The following KCNQ1 variants were observed in gnomAD, a reference collection of about 807,000 sequenced individuals.
KCNQ1 encodes potassium voltage-gated channel subfamily KQT member 1.
KCNQ1 carries 49 observed loss-of-function variants against 72.4 expected under a neutral mutation model. That is an observed-to-expected ratio of 0.68 (90% confidence interval 0.54 to 0.86). The LOEUF (loss-of-function observed/expected upper bound fraction) is 0.86, where lower values mean the gene tolerates loss of function less well. Among genes scored for constraint, KCNQ1 ranks in the 40% least tolerant of loss-of-function variants. The probability of loss-of-function intolerance (pLI) is 0.00; values close to 1 mark genes in which losing one functional copy is unlikely to be tolerated. For synonymous variants in KCNQ1, 450 were observed against 412.6 expected, an observed-to-expected ratio of 1.09 and a Z score of -1.10; for missense variants, 790 against 945.1, an observed-to-expected ratio of 0.84 and a Z score of 2.15.
chr11:2,740,886 G>T (rs1846039544), intron 11 of KCNQ1, among the ~76,000 whole-genome samples: 1 of 152,188 alleles, frequency 6.6e-6, no homozygotes, highest in Non-Finnish European at 1.5e-5. Context: ...TCATCACATT[G>T]GGCCACCCAG....
intron 2 of KCNQ1, among the ~76,000 whole-genome samples, chr11:2,555,416 G>T (rs1327213592): frequency 6.6e-6 from 1 of 152,202 alleles, no homozygotes; most frequent in East Asian, 1.9e-4. Context: ...CGTTTAACTG[G>T]CCTGGAGACG....
In KCNQ1 at chr11:2,621,842, C is replaced by G. The variant is rs1849177355; in HGVS notation, c.1393+32988C>G. On this transcript the variant is annotated intron_variant, in intron 10 of 15. Coordinates refer to ENST00000155840, the MANE Select transcript of KCNQ1 (RefSeq NM_000218.3). This position sits in a 1 kb window ranked among gnomAD's most constrained non-coding sequence, Gnocchi z 5.7. ...AAAATTGAAGTCTTAGTTTTACTGA[C>G]TTTTTTCCCCTATGGTTTTTCTTTC... 2.5e-6 allele frequency: 1 copy of G among 398,106 alleles called. No homozygotes were observed. Among genetic ancestry groups the G allele is most frequent in the South Asian group, 1.3e-4 (1 of 7,852 alleles). The allele number at this position is 398,106 out of a possible 1,614,324, so 24.7% of individuals were successfully genotyped here.
At chr11:2,693,154 ACT>A (rs1590036484) in intron 11 of KCNQ1, 4 of 398,640 alleles carry the variant, frequency 1.0e-5, no homozygotes, top group Non-Finnish European at 1.8e-5. Flanking sequence ...CTCAGTCTAC[ACT>A]CTGTGATCCA....
intron 1 of KCNQ1, among the ~76,000 whole-genome samples, chr11:2,518,960 G>A (rs1187957489): frequency 6.6e-6 from 1 of 152,206 alleles, no homozygotes; most frequent in Non-Finnish European, 1.5e-5. Flanking sequence ...CTGTGAAGCG[G>A]GTGTGGGATC....
chr11:2,665,380 C>A, intron 11 of KCNQ1: 1 of 398,196 alleles, frequency 2.5e-6, no homozygotes, highest in Non-Finnish European at 4.4e-6. Flanking sequence ...AAGAGGAGCC[C>A]TGTACCCCAA....
rs1455056901 is a variant in KCNQ1 at position 2,493,344 on chromosome 11, CTTTAG to C, written c.387-34579_387-34575del. Among the ~76,000 whole-genome samples, 1 of 152,122 alleles carries C rather than the reference CTTTAG, an allele frequency of 6.6e-6. No individual in the cohort carries two copies. The highest frequency in any genetic ancestry group is 2.4e-5 in the African/African-American group (1 of 41,428). On this transcript the variant is annotated intron_variant, in intron 1 of 15. Coordinates refer to ENST00000155840, the MANE Select transcript of KCNQ1 (RefSeq NM_000218.3). This position sits in a 1 kb window ranked among gnomAD's most constrained non-coding sequence, Gnocchi z 5.3. ...TAGCTTCTTTTACTGTGCAGAAGCT[CTTTAG>C]TTTAATTAGATCCCATTTGTCAATT...
At chr11:2,648,981 C>CTTTTTTTTTTTTTTTTTTTTTTTCTTTT in intron 10 of KCNQ1, 14 of 213,306 alleles carry the variant, frequency 6.6e-5, no homozygotes, top group South Asian at 2.8e-4. Flanking sequence ...TTTTCTTTTT[C>CTTTTTTTTTTTTTTTTTTTTTTTCTTTT]TTTTTTTTTT....
At position 2,587,554 on chromosome 11, in the gene KCNQ1, C is replaced by G. The variant is rs1848608993; in HGVS notation, c.1129-16C>G. ...TGGCTCAGCAGGTGACAGCCTGTCC[C>G]CCTGCCCGACCTCAGACCGCATGGA... On this transcript the variant is annotated splice_polypyrimidine_tract_variant and intron_variant, in intron 8 of 15. Coordinates refer to ENST00000155840, the MANE Select transcript of KCNQ1 (RefSeq NM_000218.3). 2.5e-6 allele frequency: 4 copies of G among 1,613,554 alleles called. No homozygotes were observed. The East Asian group carries it at 8.9e-5, about 36-fold the overall frequency.
intron 15 of KCNQ1, among the ~76,000 whole-genome samples, chr11:2,797,332 T>A (rs1261637780): frequency 6.6e-6 from 1 of 151,692 alleles, no homozygotes; most frequent in Non-Finnish European, 1.5e-5. Flanking sequence ...CGCGAATGAG[T>A]CCTCATGCTG....
rs1055901139 is a variant in KCNQ1, at chr11:2,704,074, T to C, written c.1514+41993T>C. 7.9e-5 allele frequency among the ~76,000 whole-genome samples: 12 copies of C among 152,246 alleles called. No homozygotes were observed. The highest frequency in any genetic ancestry group is 1.8e-4 in the Non-Finnish European group (12 of 68,050). ...GTCAGCCCTTGCAGTTGGCAGTCTG[T>C]GGCCCCTCCTCGGTCCCCTTCAGTG... On this transcript the variant is annotated intron_variant, in intron 11 of 15. Transcript: ENST00000155840. The surrounding 1 kb of genome is among the most constrained non-coding windows in gnomAD (Gnocchi z 4.3).
At chr11:2,574,778 C>G (rs1311731590) in intron 6 of KCNQ1, among the ~76,000 whole-genome samples, 3 of 152,210 alleles carry the variant, frequency 2.0e-5, no homozygotes, top group Non-Finnish European at 4.4e-5. Flanking sequence ...CTGCAATGCT[C>G]AGGGATGGCA....
intron 11 of KCNQ1, chr11:2,688,335 T>TG (rs1850527867): frequency 1.0e-5 from 4 of 398,624 alleles, no homozygotes; most frequent in Middle Eastern, 6.2e-4. Context: ...ACAGCTTCCA[T>TG]GGGGGTCTTC....
At position 2,592,893 on chromosome 11, in the gene KCNQ1, A is replaced by ATGCTGCCTCGCTGTCCC. The variant is rs1564827682; in HGVS notation, c.1393+4043_1393+4059dup. ...CCTGGGCTGGAGCCGCATACTGGCC[A>ATGCTGCCTCGCTGTCCC]TGCTGCCTCGCTGTCCCTGCCTCAG... On this transcript the variant is annotated intron_variant, in intron 10 of 15. Coordinates refer to ENST00000155840, the MANE Select transcript of KCNQ1 (RefSeq NM_000218.3). The surrounding 1 kb of genome is among the most constrained non-coding windows in gnomAD (Gnocchi z 5.2). Among the ~76,000 whole-genome samples the ATGCTGCCTCGCTGTCCC allele has an allele frequency of 1.3e-5, 2 of 152,082 alleles. No individual in the cohort carries two copies. Among genetic ancestry groups the ATGCTGCCTCGCTGTCCC allele is most frequent in the Admixed American group, 6.5e-5 (1 of 15,268 alleles).
intron 2 of KCNQ1, among the ~76,000 whole-genome samples, chr11:2,545,112 T>G (rs575447847): frequency 1.2e-4 from 19 of 152,378 alleles, no homozygotes; most frequent in Admixed American, 7.8e-4. Flanking sequence ...TTTTCACAGG[T>G]TCTGTATTCC....
Position 2,803,481 on chromosome 11 carries a change from T to G in KCNQ1, c.1794+25444T>G, listed in dbSNP as rs1404843953. Among the ~76,000 whole-genome samples, 1 of 152,044 alleles carries G rather than the reference T, an allele frequency of 6.6e-6. No homozygotes were observed. The highest frequency in any genetic ancestry group is 2.1e-4 in the South Asian group (1 of 4,824). ...CCCAGGAGCTTTAGGGGTACCCAGG[T>G]GGTGTGATGGGGAGCAGGAGCCAGT... On this transcript the variant is annotated intron_variant, in intron 15 of 15. Transcript: ENST00000155840. This position sits in a 1 kb window ranked among gnomAD's most constrained non-coding sequence, Gnocchi z 6.4.
At position 2,786,581 on chromosome 11, in the gene KCNQ1, C is replaced by CTT. The variant is rs35260410; in HGVS notation, c.1794+8555_1794+8556dup. ...CTCACTCCCCTTCATATCTCTTAAC[C>CTT]TTTTTTTTTTTTAAATCACTTTGTC... On this transcript the variant is annotated intron_variant, in intron 15 of 15. Coordinates refer to ENST00000155840, the MANE Select transcript of KCNQ1 (RefSeq NM_000218.3). 1.7e-4 allele frequency among the ~76,000 whole-genome samples: 25 copies of CTT among 146,712 alleles called. 1 individual carries two copies. In the East Asian group the frequency reaches 2.2e-3, roughly 13 times the overall value.
chr11:2,527,111 G>A (rs1234512832), intron 1 of KCNQ1, among the ~76,000 whole-genome samples: 1 of 152,206 alleles, frequency 6.6e-6, no homozygotes. Context: ...AAGGCGGCCC[G>A]TCTTTTCTCT....
intron 15 of KCNQ1, among the ~76,000 whole-genome samples, chr11:2,825,990 C>G (rs529033386): frequency 1.3e-4 from 20 of 152,290 alleles, no homozygotes; most frequent in Non-Finnish European, 1.9e-4. Context: ...CCCCAGTACC[C>G]TCTCCCCGAG....
At chr11:2,804,743 C>T (rs1847339311) in intron 15 of KCNQ1, among the ~76,000 whole-genome samples, 2 of 152,222 alleles carry the variant, frequency 1.3e-5, no homozygotes, top group African/African-American at 4.8e-5. Context: ...CAGACGGAGG[C>T]GACACCAAGG....
Sources: allele counts gnomAD v4.1 joint callset (sites outside exome capture counted in the v4.1 genomes callset), GRCh38; gene constraint gnomAD v4.1.1; non-coding constraint Gnocchi (gnomAD v3.1); transcripts MANE v1.5; gene names NCBI Gene and HGNC (gene_info 2026-07-23, HGNC 2026-07-21).